MSR1: variants seen among roughly 807,000 people sequenced by gnomAD.
The protein encoded by MSR1 is macrophage scavenger receptor 1, also known as macrophage scavenger receptor types I and II.
In MSR1, 53 loss-of-function variants were observed where a neutral mutation model predicts 47.2. That is an observed-to-expected ratio of 1.12 (90% CI 0.90 to 1.41). The LOEUF is 1.41. Ranked by LOEUF, MSR1 falls within the 40% of genes most tolerant of loss-of-function variation. The pLI is 0.00. For missense variants in MSR1, 786 were observed against 546.9 expected, an observed-to-expected ratio of 1.44 and a Z score of -4.36; for synonymous variants, 239 against 185.6, an observed-to-expected ratio of 1.29 and a Z score of -2.34.
At chr8:16,157,828 T>G (rs990117559) in intron 5 of MSR1, among the ~76,000 whole-genome samples, 12 of 151,934 alleles carry the variant, frequency 7.9e-5, no homozygotes, top group African/African-American at 2.9e-4. Context: ...AGTCTGAATG[T>G]GTTTTATCTG....
intron 1 of MSR1, among the ~76,000 whole-genome samples, chr8:16,178,808 G>C (rs567359477): frequency 1.1e-4 from 17 of 152,230 alleles, no homozygotes; most frequent in African/African-American, 4.1e-4. Context: ...TAACTGGTGT[G>C]AGATGGTATC....
At chr8:16,164,326 C>T (rs879470400) in intron 4 of MSR1, 75 bp from the exon 5 acceptor site, 162 of 1,300,550 alleles carry the variant, frequency 1.2e-4, no homozygotes, top group Admixed American at 2.4e-4. Context: ...AAGAAACCCT[C>T]GGAGTTCAGG....
At chr8:16,161,461 T>C (rs1178370119) in intron 5 of MSR1, among the ~76,000 whole-genome samples, 1 of 151,974 alleles carries the variant, frequency 6.6e-6, no homozygotes, top group Non-Finnish European at 1.5e-5. Flanking sequence ...ATTCAAATTT[T>C]TCTTTATCAT....
At chr8:16,111,848 C>A (rs1799762732) in intron 9 of MSR1, among the ~76,000 whole-genome samples, 1 of 152,198 alleles carries the variant, frequency 6.6e-6, no homozygotes, top group Non-Finnish European at 1.5e-5. Flanking sequence ...GGATAAGGAA[C>A]TGTACGTGCT....
At chr8:16,140,114 T>G (rs923432599) in intron 8 of MSR1, 6 of 984,218 alleles carry the variant, frequency 6.1e-6, no homozygotes, top group Non-Finnish European at 7.2e-6. Context: ...TTTTCTTCTA[T>G]GACATCCCTA....
At chr8:16,145,777 T>C (rs528174646) in intron 7 of MSR1, among the ~76,000 whole-genome samples, 1 of 152,204 alleles carries the variant, frequency 6.6e-6, no homozygotes, top group South Asian at 2.1e-4. Context: ...CCGATGATAC[T>C]TGAAAATCTT....
At chr8:16,150,798 G>T (rs937159764) in intron 6 of MSR1, among the ~76,000 whole-genome samples, 4 of 150,898 alleles carry the variant, frequency 2.7e-5, no homozygotes, top group Admixed American at 6.6e-5. Flanking sequence ...ATCTATCATG[G>T]ACCTGTTCTT....
intron 5 of MSR1, among the ~76,000 whole-genome samples, chr8:16,156,057 TAAACACCA>T (rs1800997210): frequency 6.6e-6 from 1 of 151,902 alleles, no homozygotes; most frequent in African/African-American, 2.4e-5. Context: ...TAATCCTACC[TAAACACCA>T]TGTTCCATAT....
intron 8 of MSR1, chr8:16,140,860 G>C (rs1360533863): frequency 1.3e-6 from 2 of 1,586,684 alleles, no homozygotes; most frequent in East Asian, 2.2e-5. Flanking sequence ...CCATGTGGAA[G>C]TCAGGTACAA....
At chr8:16,110,317 A>G in intron 9 of MSR1, 99 bp from the exon 10 acceptor site, 3 of 1,368,426 alleles carry the variant, frequency 2.2e-6, no homozygotes, top group Non-Finnish European at 2.1e-6. Flanking sequence ...TAAACAAAAA[A>G]GTGTTGATTA....
At chr8:16,128,518 G>A (rs2117078800) in intron 8 of MSR1, among the ~76,000 whole-genome samples, 1 of 152,130 alleles carries the variant, frequency 6.6e-6, no homozygotes, top group East Asian at 1.9e-4. Flanking sequence ...GCTTGATCAT[G>A]GGCTTTTAAT....
intron 1 of MSR1, among the ~76,000 whole-genome samples, chr8:16,191,631 A>C (rs996836847): frequency 6.6e-6 from 1 of 152,088 alleles, no homozygotes; most frequent in African/African-American, 2.4e-5. Flanking sequence ...GTAAGTAACT[A>C]GTCAAGTTAC....
chr8:16,184,879 G>A (rs1014330944), intron 1 of MSR1, among the ~76,000 whole-genome samples: 7 of 151,904 alleles, frequency 4.6e-5, no homozygotes, highest in South Asian at 2.1e-4. Context: ...GTTACCTTGG[G>A]AAGATTTATT....
chr8:16,134,129 A>G (rs1334032611), intron 8 of MSR1, among the ~76,000 whole-genome samples: 4 of 152,146 alleles, frequency 2.6e-5, no homozygotes. Flanking sequence ...TAAACTTTTC[A>G]TAAAGTATCG....
Position 16,168,547 on chromosome 8 carries a change from T to G in MSR1, c.541A>C (p.Ile181Leu). 6.2e-7 allele frequency: 1 copy of G among 1,614,136 alleles called. No individual in the cohort carries two copies. Among genetic ancestry groups the G allele is most frequent in the Non-Finnish European group, 8.5e-7 (1 of 1,179,994 alleles). The change falls in exon 4 of 10, where the codon ATA (isoleucine) becomes CTA (leucine). Residue 181 changes from isoleucine to leucine, a missense_variant. By Grantham distance (5) the Ile-to-Leu change is conservative. Coordinates refer to ENST00000262101, the MANE Select transcript of MSR1 (RefSeq NM_138715.3). Reference sequence around the variant, plus strand: ...TCAAGCAATGTGGTATTCAAACTTATTAAGGACTTGGAGATTTCATCTATT... The same window carrying G: ...TCAAGCAATGTGGTATTCAAACTTAGTAAGGACTTGGAGATTTCATCTATT... ...NAIDEISKSL[I>L]SLNTTLLDLQ...
chr8:16,186,268 A>C (rs1801997413), intron 1 of MSR1: 3 of 1,399,810 alleles, frequency 2.1e-6, no homozygotes, highest in Non-Finnish European at 2.9e-6. Flanking sequence ...TCTCAACAGC[A>C]GAGTGAGCCA....
chr8:16,151,799 A>T (rs1182739248), intron 6 of MSR1, among the ~76,000 whole-genome samples: 3 of 152,130 alleles, frequency 2.0e-5, no homozygotes. Flanking sequence ...GTCCTGCTCC[A>T]TTCAGGCTCC....
chr8:16,128,867 T>C (rs1800189374), intron 8 of MSR1, among the ~76,000 whole-genome samples: 1 of 152,108 alleles, frequency 6.6e-6, no homozygotes, highest in East Asian at 1.9e-4. Context: ...ACCTATTAGA[T>C]GTTTTAATAC....
rs1265364636 is a variant in MSR1, at chr8:16,176,521, AAAAAGGAAAAGAGAG to A, written c.104-1236_104-1222del. The stretch of plus-strand genomic sequence containing the variant: ...GACCCTGTCTCAAAAAGAAAAAAAA[AAAAAGGAAAAGAGAG>A]AAAAGGAAAGGAAAGAAAAGATGGA... On this transcript the variant is annotated intron_variant, in intron 2 of 9. Transcript: ENST00000262101. Among the ~76,000 whole-genome samples, 5 of 151,998 alleles carry A rather than the reference AAAAAGGAAAAGAGAG, an allele frequency of 3.3e-5. No homozygotes were observed. In the East Asian group the frequency reaches 7.8e-4, roughly 24 times the overall value.
Sources: allele counts gnomAD v4.1 joint callset (sites outside exome capture counted in the v4.1 genomes callset), GRCh38; gene constraint gnomAD v4.1.1; transcripts MANE v1.5; gene names NCBI Gene and HGNC (gene_info 2026-07-23, HGNC 2026-07-21).